Variants in CPHXL observed in about 807,000 individuals in gnomAD.
CPHXL encodes cytoplasmic polyadenylated homeobox-like protein.
intron 1 of CPHXL, among the ~76,000 whole-genome samples, chr16:75,721,140 G>A (rs1048921148): frequency 2.0e-5 from 3 of 152,268 alleles, no homozygotes; most frequent in Non-Finnish European, 4.4e-5. Context: ...ACCAGCCACT[G>A]CAAAAACATG....
intron 1 of CPHXL, among the ~76,000 whole-genome samples, chr16:75,726,014 C>A (rs1959554275): frequency 6.6e-6 from 1 of 151,580 alleles, no homozygotes; most frequent in Admixed American, 6.6e-5. Context: ...AAAGAGGAAG[C>A]AGTAGGGAAG....
At chr16:75,723,001 A>T (rs1008321759) in intron 1 of CPHXL, among the ~76,000 whole-genome samples, 2 of 152,224 alleles carry the variant, frequency 1.3e-5, no homozygotes, top group African/African-American at 4.8e-5. Flanking sequence ...GACAAAAACC[A>T]CATGATTATC....
At chr16:75,722,818 T>C (rs1367776529) in intron 1 of CPHXL, among the ~76,000 whole-genome samples, 2 of 152,156 alleles carry the variant, frequency 1.3e-5, no homozygotes, top group South Asian at 2.1e-4. Context: ...TTTAGACCAA[T>C]ATCCCTGATG....
At chr16:75,718,763 A>G (rs1202963732) in intron 1 of CPHXL, among the ~76,000 whole-genome samples, 1 of 152,270 alleles carries the variant, frequency 6.6e-6, no homozygotes, top group East Asian at 1.9e-4. Flanking sequence ...CAGCAGGCTT[A>G]GTAGTTGAGG....
Position 75,725,698 on chromosome 16 carries a change from C to T in CPHXL, c.25+720G>A, listed in dbSNP as rs866463489. ...CAATATCCTGACCTCGTGATCCACCCGCCTCGGCCTCACAAAGTGCTGGGA... is the reference window on the plus strand; with the variant it reads ...CAATATCCTGACCTCGTGATCCACCTGCCTCGGCCTCACAAAGTGCTGGGA... On this transcript the variant is annotated intron_variant, in intron 1 of 2. Coordinates refer to ENST00000640559, the MANE Select transcript of CPHXL (RefSeq NM_001355613.1). 5.3e-5 allele frequency among the ~76,000 whole-genome samples: 8 copies of T among 150,332 alleles called. No individual in the cohort carries two copies. In the East Asian group the frequency reaches 6.0e-4, roughly 11 times the overall value.
intron 2 of CPHXL, among the ~76,000 whole-genome samples, chr16:75,716,640 TC>T (rs1325305580): frequency 1.3e-5 from 2 of 152,178 alleles, no homozygotes; most frequent in Non-Finnish European, 2.9e-5. Flanking sequence ...TTGTTTTTTT[TC>T]TGGAGGCTTT....
At chr16:75,719,546 AGCCTGGAGGAGGGGC>A (rs570947242) in intron 1 of CPHXL, among the ~76,000 whole-genome samples, 122 of 152,272 alleles carry the variant, frequency 8.0e-4, no homozygotes, top group African/African-American at 2.9e-3. Flanking sequence ...GGTGGCAGCG[AGCCTGGAGGAGGGGC>A]GCCTGTCATT....
At position 75,714,183 on chromosome 16, in the gene CPHXL, AT is replaced by A. The variant is rs1321268098; in HGVS notation, c.*40del. On this transcript the variant is annotated 3_prime_UTR_variant, in exon 3 of 3. Transcript: ENST00000640559. ...ACTTAGCACTACTTTGCAGAGTTGCATCCTTGGTTCCCTGCTGCAGACCCTT... is the reference window on the plus strand; with the variant it reads ...ACTTAGCACTACTTTGCAGAGTTGCACCTTGGTTCCCTGCTGCAGACCCTT... 2.5e-6 allele frequency: 1 copy of A among 398,750 alleles called. No individual in the cohort carries two copies. Among genetic ancestry groups the A allele is most frequent in the Non-Finnish European group, 4.4e-6 (1 of 226,250 alleles). 24.7% of individuals were successfully genotyped at this position (398,750 alleles called of 1,614,324 possible).
chr16:75,715,370 AT>A (rs1175244578), intron 2 of CPHXL, 148 bp from the exon 3 acceptor site: 2 of 396,532 alleles, frequency 5.0e-6, no homozygotes, highest in Admixed American at 4.4e-5. Context: ...CATATAAATA[AT>A]AAAGGCAATC....
intron 2 of CPHXL, among the ~76,000 whole-genome samples, chr16:75,716,632 GT>G (rs554277588): frequency 6.6e-6 from 1 of 151,906 alleles, no homozygotes; most frequent in East Asian, 1.9e-4. Flanking sequence ...CAGTGTCTTT[GT>G]TTTTTTTCTG....
rs535234812 is a variant in CPHXL, at chr16:75,720,161, A to G, written c.26-1703T>C. ...AACCACAAAGATGGGGAAAAAACAG[A>G]ACAGAAAAACCGGAAACTCTAAAAA... is the stretch of plus-strand genomic sequence containing the variant. On this transcript the variant is annotated intron_variant, in intron 1 of 2. Coordinates refer to ENST00000640559, the MANE Select transcript of CPHXL (RefSeq NM_001355613.1). 8.5e-5 allele frequency among the ~76,000 whole-genome samples: 13 copies of G among 152,288 alleles called. No individual in the cohort carries two copies. In the East Asian group the frequency reaches 1.5e-3, roughly 18 times the overall value.
chr16:75,719,007 T>G (rs911244823), intron 1 of CPHXL, among the ~76,000 whole-genome samples: 1 of 152,206 alleles, frequency 6.6e-6, no homozygotes. Flanking sequence ...TAAGTTTTCT[T>G]TATCTGAGTG....
intron 1 of CPHXL, among the ~76,000 whole-genome samples, chr16:75,726,040 A>G (rs1959554653): frequency 6.6e-6 from 1 of 151,126 alleles, no homozygotes; most frequent in African/African-American, 2.4e-5. Flanking sequence ...AATTAATGAA[A>G]ATTAATGAAA....
At chr16:75,715,831 G>C (rs1320066158) in intron 2 of CPHXL, among the ~76,000 whole-genome samples, 2 of 151,970 alleles carry the variant, frequency 1.3e-5, no homozygotes, top group Non-Finnish European at 2.9e-5. Flanking sequence ...CGAGTAGCTG[G>C]AATTACAGGA....
intron 1 of CPHXL, among the ~76,000 whole-genome samples, chr16:75,723,159 A>G (rs1959502734): frequency 6.6e-6 from 1 of 152,230 alleles, no homozygotes; most frequent in Non-Finnish European, 1.5e-5. Context: ...GAATGGGCAA[A>G]AACTGGAAGC....
rs1959365209 is a variant in CPHXL at position 75,714,733 on chromosome 16, GCCCA to G, written c.705_708del (p.Gly236IlefsTer53). On this transcript the variant is annotated frameshift_variant, in exon 3 of 3. Coordinates refer to ENST00000640559, the MANE Select transcript of CPHXL (RefSeq NM_001355613.1). LOFTEE classifies it low-confidence loss of function (END_TRUNC). ...CTGAGAAAATGATAGGCAGTAGAATGCCCACTTCCAGAATGCCCACTTCCTGTGT... is the reference window on the plus strand; with the variant it reads ...CTGAGAAAATGATAGGCAGTAGAATGCTTCCAGAATGCCCACTTCCTGTGT... The G allele has an allele frequency of 2.5e-6, 1 of 398,528 alleles. No individual in the cohort carries two copies. Among genetic ancestry groups the G allele is most frequent in the Non-Finnish European group, 4.4e-6 (1 of 226,100 alleles). The allele number at this position is 398,528 out of a possible 1,614,324, so 24.7% of individuals were successfully genotyped here. A position where few individuals can be genotyped will look rare whatever the true frequency, so the allele number is the denominator to read the frequency against.
rs1273363234 is a variant in CPHXL, at chr16:75,714,584, T to A, written c.858A>T (p.Ala286=). ...SPFLLDYAQG[A]YGVKKDHCLC... is the part of the protein sequence containing the mutation. ...GACAATGGTCTTTCTTCACCCCATATGCACCTTGAGCGTAATCCAAAAGGA... is the reference window on the plus strand; with the variant it reads ...GACAATGGTCTTTCTTCACCCCATAAGCACCTTGAGCGTAATCCAAAAGGA... Residue 286 remains alanine (A), a synonymous_variant, in exon 3 of 3, where the codon GCA becomes GCT. Coordinates refer to ENST00000640559, the MANE Select transcript of CPHXL (RefSeq NM_001355613.1). 1 of 398,538 alleles carries A rather than the reference T, an allele frequency of 2.5e-6. No individual in the cohort carries two copies. The highest frequency in any genetic ancestry group is 4.4e-5 in the Admixed American group (1 of 22,712). The allele number at this position is 398,538 out of a possible 1,614,324, so 24.7% of individuals were successfully genotyped here. A position where few individuals can be genotyped will look rare whatever the true frequency, so the allele number is the denominator to read the frequency against.
chr16:75,715,362 T>G (rs1411192065), intron 2 of CPHXL, 140 bp from the exon 3 acceptor site: 7 of 396,750 alleles, frequency 1.8e-5, no homozygotes, highest in Non-Finnish European at 1.3e-5. Context: ...CATTAAAGCA[T>G]ATAAATAATA....
chr16:75,725,766 T>C (rs1279708196), intron 1 of CPHXL, among the ~76,000 whole-genome samples: 2 of 129,370 alleles, frequency 1.5e-5, no homozygotes, highest in African/African-American at 2.7e-5. Flanking sequence ...TTTTTTTTTT[T>C]TTTTTTTTTT....
Sources: gnomAD v4.1 joint callset for allele counts (sites outside exome capture counted in the v4.1 genomes callset) on GRCh38, gnomAD v4.1.1 for gene constraint, MANE v1.5 for transcripts, NCBI Gene and HGNC (gene_info 2026-07-23, HGNC 2026-07-21) for gene names.